ARHGAP1: variants seen among roughly 807,000 people sequenced by gnomAD.
The protein encoded by ARHGAP1 is rho GTPase-activating protein 1.
In ARHGAP1, 23 loss-of-function variants were observed where a neutral mutation model predicts 52.2. The observed-to-expected ratio is 0.44, with a 90% CI of 0.32 to 0.62. The LOEUF (loss-of-function observed/expected upper bound fraction) is 0.62, where lower values mean the gene tolerates loss of function less well. Among genes scored for constraint, ARHGAP1 ranks in the 20% least tolerant of loss-of-function variants. The pLI is 0.05. For synonymous variants in ARHGAP1, 210 were observed against 228.4 expected, an observed-to-expected ratio of 0.92 and a Z score of 0.73; for missense variants, 480 against 560.9, an observed-to-expected ratio of 0.86 and a Z score of 1.46.
At chr11:46,695,311 G>C in intron 3 of ARHGAP1, 1 of 369,222 alleles carries the variant, frequency 2.7e-6, no homozygotes. Flanking sequence ...CCCAGTAACT[G>C]ATAGGGTGGA....
chr11:46,690,679 C>T (rs936300096), intron 3 of ARHGAP1, among the ~76,000 whole-genome samples: 39 of 152,276 alleles, frequency 2.6e-4, no homozygotes, highest in Admixed American at 1.9e-3. Flanking sequence ...CCTGTGTCCT[C>T]GCCCTCTCTC....
chr11:46,689,790 T>C (rs1171706810), intron 3 of ARHGAP1, among the ~76,000 whole-genome samples: 1 of 152,082 alleles, frequency 6.6e-6, no homozygotes, highest in Non-Finnish European at 1.5e-5. Flanking sequence ...CCACCTGCCT[T>C]GGCCTCCCAA....
At chr11:46,686,348 C>G (rs1466687836) in intron 4 of ARHGAP1, among the ~76,000 whole-genome samples, 3 of 152,144 alleles carry the variant, frequency 2.0e-5, no homozygotes, top group African/African-American at 7.2e-5. Flanking sequence ...AAGACCTGCC[C>G]CAAGGCACGC....
chr11:46,683,195 C>A (rs551742708), intron 4 of ARHGAP1, among the ~76,000 whole-genome samples: 1 of 152,072 alleles, frequency 6.6e-6, no homozygotes, highest in Non-Finnish European at 1.5e-5. Flanking sequence ...TGAGCCACCA[C>A]ACCCGGCTCT....
At chr11:46,691,591 A>G (rs552527929) in intron 3 of ARHGAP1, among the ~76,000 whole-genome samples, 72 of 151,970 alleles carry the variant, frequency 4.7e-4, no homozygotes, top group Admixed American at 2.2e-3. Flanking sequence ...AGCTAGGACT[A>G]CAGGCATGTC....
chr11:46,685,564 A>G (rs540009253), intron 4 of ARHGAP1, among the ~76,000 whole-genome samples: 2 of 151,754 alleles, frequency 1.3e-5, no homozygotes, highest in South Asian at 4.2e-4. Context: ...TGACCTCGTG[A>G]TCCACCCACC....
intron 4 of ARHGAP1, among the ~76,000 whole-genome samples, chr11:46,684,208 C>T (rs2064551328): frequency 6.6e-6 from 1 of 152,234 alleles, no homozygotes; most frequent in African/African-American, 2.4e-5. Context: ...CTTCTCCACA[C>T]TGAGCACTGC....
At chr11:46,693,318 CAA>C (rs1466107679) in intron 3 of ARHGAP1, among the ~76,000 whole-genome samples, 2 of 150,674 alleles carry the variant, frequency 1.3e-5, no homozygotes, top group African/African-American at 4.9e-5. Flanking sequence ...TTTTTTCAGT[CAA>C]AGAGATCCCC....
chr11:46,685,344 T>G (rs78842425), intron 4 of ARHGAP1, among the ~76,000 whole-genome samples: 3 of 149,132 alleles, frequency 2.0e-5, no homozygotes, highest in Non-Finnish European at 4.4e-5. Flanking sequence ...TTTTTTTTTT[T>G]GAGACAGAGT....
chr11:46,689,777 G>A (rs184514606), intron 3 of ARHGAP1, among the ~76,000 whole-genome samples: 4 of 152,192 alleles, frequency 2.6e-5, no homozygotes, highest in South Asian at 2.1e-4. Flanking sequence ...CTGACGTCAC[G>A]ATCCACCTGC....
chr11:46,679,296 G>C lies in ARHGAP1; in HGVS notation c.1131+69C>G. On this transcript the variant is annotated intron_variant, in intron 12 of 12. Coordinates refer to ENST00000311956, the MANE Select transcript of ARHGAP1 (RefSeq NM_004308.5). This position sits in a 1 kb window ranked among gnomAD's most constrained non-coding sequence, Gnocchi z 4.4. The stretch of plus-strand genomic sequence containing the variant: ...CTCCCACTCCCAGCAACAATGACCA[G>C]GGCGCAGAGGAGGCGGCAGCTCCTC... 1 of 1,602,102 alleles carries C rather than the reference G, an allele frequency of 6.2e-7. No individual in the cohort carries two copies. Among genetic ancestry groups the C allele is most frequent in the Non-Finnish European group, 8.5e-7 (1 of 1,171,364 alleles).
At chr11:46,700,106 G>T (rs905874680) in intron 1 of ARHGAP1, among the ~76,000 whole-genome samples, 1 of 152,170 alleles carries the variant, frequency 6.6e-6, no homozygotes, top group Non-Finnish European at 1.5e-5. Context: ...GGAGGCGGAG[G>T]TTGCAGTGAA....
intron 3 of ARHGAP1, among the ~76,000 whole-genome samples, chr11:46,693,934 GA>G (rs1565689999): frequency 6.6e-6 from 1 of 152,130 alleles, no homozygotes; most frequent in African/African-American, 2.4e-5. Context: ...CACACCACTG[GA>G]AAGAACCCAC....
At chr11:46,683,747 TC>T (rs2064546720) in intron 4 of ARHGAP1, among the ~76,000 whole-genome samples, 1 of 151,882 alleles carries the variant, frequency 6.6e-6, no homozygotes, top group African/African-American at 2.4e-5. Context: ...TTCAAGTGAT[TC>T]TCCTGACTCA....
chr11:46,686,819 G>A (rs2064572668), intron 4 of ARHGAP1: 1 of 152,154 alleles, frequency 6.6e-6, no homozygotes, highest in African/African-American at 2.4e-5. Flanking sequence ...CAACCTCCTG[G>A]ATCTGGGTGG....
rs2064655017 is a variant in ARHGAP1, at chr11:46,696,383, T to G, written c.-49-227A>C. ...CAGCTGGGGCAGAGGATGGCACAGC[T>G]CAGCGCCTCCCTCCAGGCCCTGCAG... is the stretch of plus-strand genomic sequence containing the variant. On this transcript the variant is annotated intron_variant, in intron 1 of 12. Transcript: ENST00000311956. This position sits in a 1 kb window ranked among gnomAD's most constrained non-coding sequence, Gnocchi z 4.8. Among the ~76,000 whole-genome samples, 1 of 152,068 alleles carries G rather than the reference T, an allele frequency of 6.6e-6. No individual in the cohort carries two copies. Among genetic ancestry groups the G allele is most frequent in the Admixed American group, 6.5e-5 (1 of 15,268 alleles).
At chr11:46,688,580 C>G (rs2064589327) in intron 3 of ARHGAP1, among the ~76,000 whole-genome samples, 1 of 152,006 alleles carries the variant, frequency 6.6e-6, no homozygotes, top group Admixed American at 6.5e-5. Flanking sequence ...CTCCTGGGCT[C>G]AAGAGATCCT....
chr11:46,682,794 G>A (rs1297192165), intron 4 of ARHGAP1, among the ~76,000 whole-genome samples: 2 of 152,194 alleles, frequency 1.3e-5, no homozygotes, highest in Non-Finnish European at 2.9e-5. Context: ...GGGGAATGAC[G>A]TTTCCCCTGA....
At chr11:46,682,308 G>T in intron 4 of ARHGAP1, 126 bp from the exon 5 acceptor site, 1 of 1,302,118 alleles carries the variant, frequency 7.7e-7, no homozygotes. Flanking sequence ...CCCTAGCACA[G>T]TCTGTTCTGG....
Sources: allele counts gnomAD v4.1 joint callset (sites outside exome capture counted in the v4.1 genomes callset), GRCh38; gene constraint gnomAD v4.1.1; non-coding constraint Gnocchi (gnomAD v3.1); transcripts MANE v1.5; gene names NCBI Gene and HGNC (gene_info 2026-07-23, HGNC 2026-07-21).